NRCAM: variants seen among roughly 807,000 people sequenced by gnomAD.
NRCAM encodes the protein NgCAM-related cell adhesion molecule.
A neutral mutation model predicts 156.5 loss-of-function variants in NRCAM; 83 were observed. The observed-to-expected ratio is 0.53, with a 90% CI of 0.44 to 0.64. The LOEUF (loss-of-function observed/expected upper bound fraction) is 0.64, where lower values mean the gene tolerates loss of function less well. NRCAM is among the 30% of genes least tolerant of loss of function. The pLI is 0.00. For synonymous variants in NRCAM, 538 were observed against 563.9 expected (o/e 0.95, Z 0.65); for missense variants, 1,417 against 1,597.3 (o/e 0.89, Z 1.92).
chr7:108,402,386 G>A (rs553707197), intron 1 of NRCAM, among the ~76,000 whole-genome samples: 3 of 152,162 alleles, frequency 2.0e-5, no homozygotes, highest in Non-Finnish European at 4.4e-5. Flanking sequence ...AAGCATTACT[G>A]TTTCTGACAC....
At chr7:108,214,026 A>G (rs2086306226) in intron 11 of NRCAM, among the ~76,000 whole-genome samples, 1 of 152,190 alleles carries the variant, frequency 6.6e-6, no homozygotes, top group Non-Finnish European at 1.5e-5. Context: ...TTTTGCATCA[A>G]TGTTCATCAG....
chr7:108,372,486 G>C (rs1364420807), intron 2 of NRCAM, among the ~76,000 whole-genome samples: 1 of 152,036 alleles, frequency 6.6e-6, no homozygotes. Context: ...CCAAAATAAA[G>C]AACTCCTATA....
intron 19 of NRCAM, among the ~76,000 whole-genome samples, 198 bp downstream of exon 19, chr7:108,191,056 C>T (rs778272894): frequency 8.5e-5 from 13 of 152,114 alleles, no homozygotes; most frequent in African/African-American, 2.9e-4. Context: ...GAACTGGCAA[C>T]GAACTTGGTG....
Position 108,180,300 on chromosome 7 carries a change from G to A in NRCAM, c.2774C>T (p.Thr925Ile). Residue 925 changes from threonine (T) to isoleucine (I), a missense_variant, in exon 25 of 33, where the codon ACA (threonine) becomes ATA (isoleucine). Coordinates refer to ENST00000379028, the MANE Select transcript of NRCAM (RefSeq NM_001037132.4). The part of the protein sequence containing the change: ...LPGLEPFSHY[T>I]LNVRVVNGKG... ...CCCATTGACCACTCGGACATTCAGT[G>A]TGTAGTGGCTAAAGGGCTCTAGCCC... is the stretch of plus-strand genomic sequence containing the variant. The A allele has an allele frequency of 6.2e-7, 1 of 1,614,210 alleles. No individual in the cohort carries two copies. The highest frequency in any genetic ancestry group is 8.5e-7 in the Non-Finnish European group (1 of 1,180,034).
chr7:108,375,599 G>C (rs1379998385), intron 2 of NRCAM, among the ~76,000 whole-genome samples: 1 of 152,132 alleles, frequency 6.6e-6, no homozygotes, highest in Non-Finnish European at 1.5e-5. Context: ...AAAGACATGA[G>C]AGATAATAAT....
intron 2 of NRCAM, among the ~76,000 whole-genome samples, chr7:108,391,963 C>T (rs1223512587): frequency 6.6e-6 from 1 of 152,216 alleles, no homozygotes; most frequent in East Asian, 1.9e-4. Flanking sequence ...TGATGGGCTT[C>T]CCTTTGTTGG....
chr7:108,327,030 C>T (rs1439292675), intron 2 of NRCAM, among the ~76,000 whole-genome samples: 1 of 152,154 alleles, frequency 6.6e-6, no homozygotes, highest in Non-Finnish European at 1.5e-5. Context: ...ACCAAACAGT[C>T]TTTGATTTTA....
chr7:108,386,407 CAATT>C (rs2099741036), intron 2 of NRCAM, among the ~76,000 whole-genome samples: 2 of 152,146 alleles, frequency 1.3e-5, no homozygotes, highest in African/African-American at 4.8e-5. Context: ...TATCTCTAAG[CAATT>C]AATTGATTGG....
intron 15 of NRCAM, 73 bp from the exon 16 acceptor site, chr7:108,194,501 TCAAG>T: frequency 9.7e-7 from 1 of 1,035,414 alleles, no homozygotes; most frequent in Non-Finnish European, 1.4e-6. Context: ...AATGCCATGT[TCAAG>T]GTCAACATGA....
At chr7:108,217,738 C>T (rs112353792) in intron 11 of NRCAM, among the ~76,000 whole-genome samples, 1,822 of 152,232 alleles carry the variant, frequency 0.012, 43 homozygotes, top group African/African-American at 0.042. Context: ...AACCACCTAC[C>T]CAAGCCTCAG....
intron 13 of NRCAM, among the ~76,000 whole-genome samples, chr7:108,205,781 A>G (rs1463667145): frequency 6.6e-6 from 1 of 151,978 alleles, no homozygotes; most frequent in Non-Finnish European, 1.5e-5. Flanking sequence ...TAGAAGCAGG[A>G]TTTTGCCCTG....
At chr7:108,280,148 G>T (rs1458736164) in intron 3 of NRCAM, among the ~76,000 whole-genome samples, 1 of 152,222 alleles carries the variant, frequency 6.6e-6, no homozygotes, top group Non-Finnish European at 1.5e-5. Flanking sequence ...TAGGTTAAAA[G>T]CTGGCCTGAT....
chr7:108,402,466 A>G (rs6969521), intron 1 of NRCAM, among the ~76,000 whole-genome samples: 38,389 of 152,136 alleles, frequency 0.25, 5,131 homozygotes, highest in Non-Finnish European at 0.28. Context: ...ATGTGAAAAG[A>G]TGGTTTTCAT....
At position 108,226,388 on chromosome 7, in the gene NRCAM, G is replaced by T. The variant is rs1351371380; in HGVS notation, c.551-10C>A. 1 of 1,605,252 alleles carries T rather than the reference G, an allele frequency of 6.2e-7. No individual in the cohort carries two copies. The highest frequency in any genetic ancestry group is 1.3e-5 in the African/African-American group (1 of 74,554). ...GGAAGTCTTTGAAAGGCTGGAGAAAGGCAGAGAGATATCAAGATTATTCCA... is the reference window on the plus strand; with the variant it reads ...GGAAGTCTTTGAAAGGCTGGAGAAATGCAGAGAGATATCAAGATTATTCCA... On this transcript the variant is annotated splice_polypyrimidine_tract_variant and intron_variant, in intron 8 of 32. Coordinates refer to ENST00000379028, the MANE Select transcript of NRCAM (RefSeq NM_001037132.4).
intron 3 of NRCAM, among the ~76,000 whole-genome samples, chr7:108,307,442 T>C (rs1474717193): frequency 6.6e-6 from 1 of 152,198 alleles, no homozygotes; most frequent in Non-Finnish European, 1.5e-5. Context: ...ATGCACCATA[T>C]CCTACTCGAC....
chr7:108,378,225 C>T (rs2099684563), intron 2 of NRCAM, among the ~76,000 whole-genome samples: 1 of 151,900 alleles, frequency 6.6e-6, no homozygotes, highest in African/African-American at 2.4e-5. Context: ...TACTGAGGGA[C>T]TTGAATACTT....
Position 108,168,396 on chromosome 7 carries a change from G to A in NRCAM, c.3194C>T (p.Ala1065Val). 1 of 1,600,340 alleles carries A rather than the reference G, an allele frequency of 6.2e-7. No homozygotes were observed. The change falls in exon 29 of 33, where the codon GCA (alanine) becomes GTA (valine). Residue 1065 changes from alanine to valine, a missense_variant. Physicochemically the swap from Ala to Val is moderately conservative, Grantham distance 64. Coordinates refer to ENST00000379028, the MANE Select transcript of NRCAM (RefSeq NM_001037132.4). The stretch of plus-strand genomic sequence containing the variant: ...AAGATTGCTGATCCTGGGATTTACT[G>A]CTTGAACTAAACATACAATAGAAAA... ...PPDVGAGKVQ[A>V]VNPRISNLTA... is the part of the protein sequence containing the mutation.
intron 3 of NRCAM, among the ~76,000 whole-genome samples, chr7:108,250,832 G>A (rs751405256): frequency 3.3e-5 from 5 of 152,038 alleles, no homozygotes; most frequent in East Asian, 3.9e-4. Context: ...TGATTATTAC[G>A]CATTGGATGC....
chr7:108,175,413 T>A (rs11983886), intron 27 of NRCAM, 56 bp from the exon 28 acceptor site: 1,049,196 of 1,412,202 alleles, frequency 0.74, 396,103 homozygotes, highest in East Asian at 0.87. Flanking sequence ...AACACACCCA[T>A]GAGCATGTAT....
Sources: gnomAD v4.1 joint callset for allele counts (sites outside exome capture counted in the v4.1 genomes callset) on GRCh38, gnomAD v4.1.1 for gene constraint, MANE v1.5 for transcripts, NCBI Gene and HGNC (gene_info 2026-07-23, HGNC 2026-07-21) for gene names.